The following LITAF variants were observed in gnomAD, a reference collection of about 807,000 sequenced individuals.
LITAF encodes the protein lipopolysaccharide induced TNF factor, also known as lipopolysaccharide-induced tumor necrosis factor-alpha factor.
A neutral mutation model predicts 14.5 loss-of-function variants in LITAF; 9 were observed. That is an observed-to-expected ratio of 0.62 (90% CI 0.37 to 1.08). The LOEUF (loss-of-function observed/expected upper bound fraction) is 1.08, where lower values mean the gene tolerates loss of function less well. Among genes scored for constraint, LITAF ranks in the 50% least tolerant of loss-of-function variants. LITAF has a pLI of 0.01. For missense variants in LITAF, 206 were observed against 213.4 expected (o/e 0.97, Z 0.22); for synonymous variants, 98 against 88.2 (o/e 1.11, Z -0.62).
chr16:11,562,081 G>T (rs1308385768), intron 1 of LITAF, among the ~76,000 whole-genome samples: 2 of 151,716 alleles, frequency 1.3e-5, no homozygotes, highest in Non-Finnish European at 2.9e-5. Context: ...ACCATACCTG[G>T]CTATAACTTT....
intron 3 of LITAF, among the ~76,000 whole-genome samples, chr16:11,630,769 A>G (rs1346138992): frequency 6.6e-6 from 1 of 151,558 alleles, no homozygotes; most frequent in African/African-American, 2.4e-5. Flanking sequence ...TTTTTTTTCT[A>G]GAGACAGGGG....
chr16:11,583,241 T>C (rs931398731), intron 1 of LITAF, among the ~76,000 whole-genome samples: 3 of 152,156 alleles, frequency 2.0e-5, no homozygotes, highest in African/African-American at 4.8e-5. Context: ...AAGTCAAAGA[T>C]AAAGTTACCA....
chr16:11,621,719 G>A (rs1223603320), intron 3 of LITAF, among the ~76,000 whole-genome samples: 2 of 152,034 alleles, frequency 1.3e-5, no homozygotes, highest in Non-Finnish European at 2.9e-5. Context: ...AAGAGTGGCC[G>A]GCTCCCTGAC....
chr16:11,574,313 A>T (rs2064595880), intron 1 of LITAF, among the ~76,000 whole-genome samples: 1 of 152,130 alleles, frequency 6.6e-6, no homozygotes, highest in Admixed American at 6.6e-5. Context: ...AAGCGCTGGC[A>T]TTACAGGCAT....
intron 3 of LITAF, among the ~76,000 whole-genome samples, chr16:11,626,752 G>A (rs554038346): frequency 3.2e-4 from 49 of 152,280 alleles, no homozygotes; most frequent in African/African-American, 1.2e-3. Flanking sequence ...GATTACAGGC[G>A]TGAGCCACCT....
Position 11,605,521 on chromosome 16 carries a change from G to C in LITAF, c.85+28012C>G, listed in dbSNP as rs1011108194. ...GCACAGGAGGGAGACTCCTAGGCAGGGGCCGCAAGGAAGGAAGGGAAGAAA... is the reference window on the plus strand; with the variant it reads ...GCACAGGAGGGAGACTCCTAGGCAGCGGCCGCAAGGAAGGAAGGGAAGAAA... On this transcript the variant is annotated intron_variant, in intron 3 of 3. Transcript: ENST00000574848. This position sits in a 1 kb window ranked among gnomAD's most constrained non-coding sequence, Gnocchi z 4.7. Among the ~76,000 whole-genome samples the C allele has an allele frequency of 2.0e-5, 3 of 152,116 alleles. No individual in the cohort carries two copies. The highest frequency in any genetic ancestry group is 4.4e-5 in the Non-Finnish European group (3 of 68,008).
intron 1 of LITAF, among the ~76,000 whole-genome samples, chr16:11,597,841 G>A (rs985198984): frequency 3.3e-5 from 5 of 152,198 alleles, no homozygotes; most frequent in Non-Finnish European, 5.9e-5. Flanking sequence ...GGCCCAGAAA[G>A]GGGTTGAGGA....
chr16:11,614,699 G>A lies in LITAF; in HGVS notation c.85+18834C>T, dbSNP rs541789501. Among the ~76,000 whole-genome samples, 20 of 152,222 alleles carry A rather than the reference G, an allele frequency of 1.3e-4. No homozygotes were observed. In the South Asian group the frequency reaches 3.7e-3, roughly 28 times the overall value. ...ACTGCAACCTCCACCTCCAGGGCTC[G>A]AGATCCTCCCATCTTGGCCTTCCAG... On this transcript the variant is annotated intron_variant, in intron 3 of 3. Transcript: ENST00000574848.
Position 11,553,475 on chromosome 16 carries a change from C to A in LITAF, c.377+58G>T. 6.3e-7 allele frequency: 1 copy of A among 1,594,064 alleles called. No individual in the cohort carries two copies. Among genetic ancestry groups the A allele is most frequent in the South Asian group, 1.1e-5 (1 of 90,118 alleles). On this transcript the variant is annotated intron_variant, in intron 3 of 3. Transcript: ENST00000622633. This position sits in a 1 kb window ranked among gnomAD's most constrained non-coding sequence, Gnocchi z 7.7. ...CATGGTGCAGTTGAGAACCCACCCC[C>A]GCCAGCACCCAGAGAGAAGGGCAGG...
chr16:11,576,534 CAAAAAAAAAAAA>C (rs66551972), intron 1 of LITAF, among the ~76,000 whole-genome samples: 1 of 62,968 alleles, frequency 1.6e-5, no homozygotes, highest in East Asian at 3.2e-4. Context: ...TTACAATCTG[CAAAAAAAAAAAA>C]AAAAAAAAAG....
chr16:11,551,832 A>C lies in LITAF; in HGVS notation c.377+1701T>G, dbSNP rs553878258. 50 of 546,324 alleles carry C rather than the reference A, an allele frequency of 9.2e-5. 1 individual carries two copies. Among genetic ancestry groups the C allele is most frequent in the Admixed American group, 8.4e-4 (25 of 29,600 alleles). 33.8% of individuals were successfully genotyped at this position (546,324 alleles called of 1,614,324 possible). On this transcript the variant is annotated intron_variant, in intron 3 of 3. Transcript: ENST00000622633. The stretch of plus-strand genomic sequence containing the variant: ...GGACAACAGAGCAAGACTCAGCCTC[A>C]AACAAAACAAAACAAGTTTCTATTC...
At chr16:11,629,660 T>TCATG (rs1356862834) in intron 3 of LITAF, among the ~76,000 whole-genome samples, 1 of 152,070 alleles carries the variant, frequency 6.6e-6, no homozygotes, top group East Asian at 1.9e-4. Flanking sequence ...GGGAAGGAGC[T>TCATG]CATGGACTGG....
intron 3 of LITAF, among the ~76,000 whole-genome samples, chr16:11,614,006 ATTC>A (rs2065000977): frequency 6.6e-6 from 1 of 152,176 alleles, no homozygotes; most frequent in Non-Finnish European, 1.5e-5. Context: ...CACATGACTC[ATTC>A]ATTCCCAGCA....
At chr16:11,587,267 C>A (rs1288581318), upstream of LITAF, 2 of 410,762 alleles carry the variant, frequency 4.9e-6, no homozygotes, top group African/African-American at 2.1e-5. Flanking sequence ...CCTGATTTGC[C>A]GCTCGCGGCT....
At chr16:11,591,569 T>C (rs2064846344), upstream of LITAF, among the ~76,000 whole-genome samples, 1 of 126,914 alleles carries the variant, frequency 7.9e-6, no homozygotes, top group Admixed American at 7.6e-5. Flanking sequence ...TATAAATCAA[T>C]GAAATAAAAT....
At chr16:11,557,599 G>GC (rs1208914794) in intron 1 of LITAF, among the ~76,000 whole-genome samples, 9 of 151,930 alleles carry the variant, frequency 5.9e-5, no homozygotes, top group Middle Eastern at 3.4e-3. Context: ...ACAGGCATGT[G>GC]CCCCCCCGCC....
At position 11,553,795 on chromosome 16, in the gene LITAF, T is replaced by C; in HGVS notation, c.221-106A>G. Reference sequence around the variant, plus strand: ...GCAGGGATGCCAGCAAATATTATATTTGTACATTTGTGTTCATAGCATGCG... The same window carrying C: ...GCAGGGATGCCAGCAAATATTATATCTGTACATTTGTGTTCATAGCATGCG... On this transcript the variant is annotated intron_variant, in intron 2 of 3. Transcript: ENST00000622633. This position sits in a 1 kb window ranked among gnomAD's most constrained non-coding sequence, Gnocchi z 7.7. 1 of 1,299,340 alleles carries C rather than the reference T, an allele frequency of 7.7e-7. No individual in the cohort carries two copies. Among genetic ancestry groups the C allele is most frequent in the Non-Finnish European group, 1.1e-6 (1 of 917,014 alleles). The allele number at this position is 1,299,340 out of a possible 1,614,324, so 80.5% of individuals were successfully genotyped here.
chr16:11,622,503 T>C (rs934857017), intron 3 of LITAF, among the ~76,000 whole-genome samples: 1 of 152,132 alleles, frequency 6.6e-6, no homozygotes, highest in African/African-American at 2.4e-5. Context: ...ATTTTAATTC[T>C]GTGCAGATGG....
In LITAF at chr16:11,548,651, A is replaced by G. The variant is rs1371322151; in HGVS notation, c.*986T>C. 1 of 453,174 alleles carries G rather than the reference A, an allele frequency of 2.2e-6. No homozygotes were observed. Among genetic ancestry groups the G allele is most frequent in the African/African-American group, 2.0e-5 (1 of 49,790 alleles). 28.1% of individuals were successfully genotyped at this position (453,174 alleles called of 1,614,324 possible). The stretch of plus-strand genomic sequence containing the variant: ...GGAAAATGACACCAATCATTTGATT[A>G]CAGAAAATGGTTTTATAAATCCTCC... On this transcript the variant is annotated 3_prime_UTR_variant, in exon 4 of 4. Transcript: ENST00000622633.
Sources: allele counts gnomAD v4.1 joint callset (sites outside exome capture counted in the v4.1 genomes callset), GRCh38; gene constraint gnomAD v4.1.1; non-coding constraint Gnocchi (gnomAD v3.1); transcripts MANE v1.5; gene names NCBI Gene and HGNC (gene_info 2026-07-23, HGNC 2026-07-21).